Variants in GPSM1 observed in about 807,000 individuals in gnomAD.
GPSM1 encodes G protein signaling modulator 1.
GPSM1 carries 48 observed loss-of-function variants against 70.5 expected under a neutral mutation model. The observed-to-expected ratio is 0.68, with a 90% CI of 0.54 to 0.87. The LOEUF (loss-of-function observed/expected upper bound fraction) is 0.87. Among genes scored for constraint, GPSM1 ranks in the 40% least tolerant of loss-of-function variants. The probability of loss-of-function intolerance (pLI) is 0.00; values close to 1 mark genes in which losing one functional copy is unlikely to be tolerated. For missense variants in GPSM1, 981 were observed against 972.6 expected (o/e 1.01, Z -0.11); for synonymous variants, 416 against 430.1 (o/e 0.97, Z 0.41).
Position 136,334,523 on chromosome 9 carries a change from G to A in GPSM1, c.145G>A (p.Ala49Thr), listed in dbSNP as rs782483304. ...GGCGGGCGACTTCAAGACAGGCGTG[G>A]CCTTCTTTGAGGCTGCTGTGCAGGT... ...CKAGDFKTGV[A>T]FFEAAVQVGT... The change falls in exon 2 of 14, where the codon GCC (alanine) becomes ACC (threonine). Residue 49 changes from alanine (A) to threonine (T), a missense_variant. By Grantham distance (58) the Ala-to-Thr change is moderately conservative (BLOSUM62 0). Transcript: ENST00000440944. The A allele has an allele frequency of 1.2e-5, 20 of 1,613,206 alleles. No individual in the cohort carries two copies. The highest frequency in any genetic ancestry group is 1.6e-5 in the Non-Finnish European group (19 of 1,179,944).
rs782041406 is a variant in GPSM1 at position 136,337,855 on chromosome 9, A to G, written c.712A>G (p.Ile238Val). 12 of 1,610,968 alleles carry G rather than the reference A, an allele frequency of 7.4e-6. No individual in the cohort carries two copies. The African/African-American group carries it at 9.4e-5, about 13-fold the overall frequency. The change falls in exon 6 of 14, where the codon ATT (isoleucine) becomes GTT (valine). Residue 238 changes from isoleucine (I) to valine (V), a missense_variant. Physicochemically the swap from Ile to Val is conservative, Grantham distance 29. Coordinates refer to ENST00000440944, the MANE Select transcript of GPSM1 (RefSeq NM_001145638.3). ...ATTFHKERLA[I>V]AKEFGDKAAE... The stretch of plus-strand genomic sequence containing the variant: ...CGGTGTGTCTCCGCAGCGCCTGGCC[A>G]TTGCTAAGGAGTTTGGAGACAAGGC...
intron 9 of GPSM1, among the ~76,000 whole-genome samples, chr9:136,346,663 A>T (rs745698637): frequency 3.3e-5 from 5 of 152,216 alleles, no homozygotes; most frequent in Non-Finnish European, 5.9e-5. Context: ...TCTCATCCGC[A>T]GCATGGGCCT....
chr9:136,347,617 C>A (rs1023852383), intron 9 of GPSM1, among the ~76,000 whole-genome samples: 1 of 152,226 alleles, frequency 6.6e-6, no homozygotes, highest in East Asian at 1.9e-4. Context: ...GTCCGTCCCG[C>A]CGCCTCCTCA....
rs1262360639 is a variant in GPSM1 at position 136,344,177 on chromosome 9, C to T, written c.1207+3184C>T. 1.3e-4 allele frequency among the ~76,000 whole-genome samples: 15 copies of T among 115,552 alleles called. No individual in the cohort carries two copies. The South Asian group carries it at 2.4e-3, about 19-fold the overall frequency. 75.8% of individuals were successfully genotyped at this position (115,552 alleles called of 152,430 possible). On this transcript the variant is annotated intron_variant, in intron 9 of 13. Transcript: ENST00000440944. ...GTGCGGACAGGATCGGGGGGAGGCGCGGACAGGAGCGGGGGGAGGCGCGGA... is the reference window on the plus strand; with the variant it reads ...GTGCGGACAGGATCGGGGGGAGGCGTGGACAGGAGCGGGGGGAGGCGCGGA...
At chr9:136,355,608 G>A (rs1252403194) in intron 11 of GPSM1, 82 bp from the exon 12 acceptor site, 3 of 1,327,188 alleles carry the variant, frequency 2.3e-6, no homozygotes, top group South Asian at 1.3e-5. Flanking sequence ...AGAAGTGTGT[G>A]TGGCCTGGGC....
intron 2 of GPSM1, among the ~76,000 whole-genome samples, chr9:136,335,632 C>T (rs1176687615): frequency 2.0e-5 from 3 of 152,130 alleles, no homozygotes; most frequent in Non-Finnish European, 1.5e-5. Flanking sequence ...AAGTCCTCCC[C>T]GGATCCTAAG....
intron 9 of GPSM1, among the ~76,000 whole-genome samples, chr9:136,346,852 A>G (rs992058913): frequency 1.3e-5 from 2 of 152,154 alleles, no homozygotes; most frequent in African/African-American, 4.8e-5. Context: ...AGTGCCTGAA[A>G]TGACCGAGTG....
At chr9:136,335,116 G>A (rs782120198) in intron 2 of GPSM1, among the ~76,000 whole-genome samples, 6 of 152,146 alleles carry the variant, frequency 3.9e-5, no homozygotes, top group Admixed American at 1.3e-4. Flanking sequence ...GTGAGCACTC[G>A]TGACTGTGTG....
chr9:136,352,697 T>A (rs1442249503), intron 11 of GPSM1, among the ~76,000 whole-genome samples: 2 of 152,158 alleles, frequency 1.3e-5, no homozygotes, highest in Non-Finnish European at 2.9e-5. Flanking sequence ...TGCGCCTGCC[T>A]CCGTAGTCAG....
At chr9:136,335,834 G>T in intron 2 of GPSM1, 132 bp from the exon 3 acceptor site, 1 of 914,372 alleles carries the variant, frequency 1.1e-6, no homozygotes. Context: ...TATCACCTCA[G>T]GGGTTGCAGG....
intron 11 of GPSM1, among the ~76,000 whole-genome samples, chr9:136,351,486 C>T (rs1554772071): frequency 6.6e-6 from 1 of 152,256 alleles, no homozygotes. Flanking sequence ...AGGCTGGCAG[C>T]ATGTGTGGGA....
At chr9:136,347,139 C>T (rs965089144) in intron 9 of GPSM1, among the ~76,000 whole-genome samples, 2 of 152,078 alleles carry the variant, frequency 1.3e-5, no homozygotes, top group Non-Finnish European at 2.9e-5. Context: ...CTGAGCCTCT[C>T]GGGGGGATGA....
intron 12 of GPSM1, 78 bp downstream of exon 12, chr9:136,355,924 G>A: frequency 7.8e-7 from 1 of 1,288,126 alleles, no homozygotes; most frequent in South Asian, 1.4e-5. Flanking sequence ...CCTGCTTCCA[G>A]TGAGGAGTTT....
rs1554770081 is a variant in GPSM1, at chr9:136,340,853, C to T, written c.1084-17C>T. ...CCCCAGCCACACCTGCCCGCTCCGC[C>T]ACCCCACTCGCCGCAGATCGGGGAC... On this transcript the variant is annotated splice_polypyrimidine_tract_variant and intron_variant, in intron 8 of 13. Coordinates refer to ENST00000440944, the MANE Select transcript of GPSM1 (RefSeq NM_001145638.3). The surrounding 1 kb of genome is among the most constrained non-coding windows in gnomAD (Gnocchi z 7.3). The T allele has an allele frequency of 6.4e-7, 1 of 1,557,030 alleles. No homozygotes were observed. Among genetic ancestry groups the T allele is most frequent in the Non-Finnish European group, 8.7e-7 (1 of 1,154,146 alleles).
intron 1 of GPSM1, chr9:136,332,186 A>G (rs4073879): frequency 0.43 from 173,445 of 398,864 alleles, 38,952 homozygotes; most frequent in Middle Eastern, 0.55. Flanking sequence ...GCGGGCAGCG[A>G]GTGGGGTGGT....
intron 1 of GPSM1, among the ~76,000 whole-genome samples, chr9:136,332,946 C>T (rs932249906): frequency 6.6e-6 from 1 of 151,492 alleles, no homozygotes; most frequent in East Asian, 1.9e-4. Flanking sequence ...GAGATGGAGG[C>T]TGTAGTGAGC....
At chr9:136,331,465 C>T (rs1215696455) in intron 1 of GPSM1, among the ~76,000 whole-genome samples, 1 of 150,926 alleles carries the variant, frequency 6.6e-6, no homozygotes, top group Non-Finnish European at 1.5e-5. Flanking sequence ...GGCACAGGGG[C>T]CTGGAGAACC....
chr9:136,341,033 G>T lies in GPSM1; in HGVS notation c.1207+40G>T, dbSNP rs1554770175. On this transcript the variant is annotated intron_variant, in intron 9 of 13. Coordinates refer to ENST00000440944, the MANE Select transcript of GPSM1 (RefSeq NM_001145638.3). The surrounding 1 kb of genome is among the most constrained non-coding windows in gnomAD (Gnocchi z 6.7). ...TGTGGGGGGGTCTTGCTCCCCACAG[G>T]CACGGACCGCATCAGGAGCTGCGGA... 1 of 1,561,564 alleles carries T rather than the reference G, an allele frequency of 6.4e-7. No individual in the cohort carries two copies. The highest frequency in any genetic ancestry group is 1.2e-5 in the South Asian group (1 of 84,850).
Position 136,336,082 on chromosome 9 carries a change from C to T in GPSM1, c.407C>T (p.Ala136Val), listed in dbSNP as rs1564343153. The T allele has an allele frequency of 3.7e-6, 6 of 1,611,606 alleles. No individual in the cohort carries two copies. Among genetic ancestry groups the T allele is most frequent in the South Asian group, 1.1e-5 (1 of 91,026 alleles). ...TGCTGCCAGCGGCATCTGAGCATCGCCCAAGAGCAGGGAGACAAGGTGGGG... is the reference window on the plus strand; with the variant it reads ...TGCTGCCAGCGGCATCTGAGCATCGTCCAAGAGCAGGGAGACAAGGTGGGG... Reference protein sequence around the residue: ...AVCCQRHLSIAQEQGDKVGEA... With the variant: ...AVCCQRHLSIVQEQGDKVGEA... The change falls in exon 3 of 14, where the codon GCC becomes GTC. Residue 136 changes from alanine to valine, a missense_variant. Physicochemically the swap from Ala to Val is moderately conservative, Grantham distance 64. Coordinates refer to ENST00000440944, the MANE Select transcript of GPSM1 (RefSeq NM_001145638.3).
Sources: gnomAD v4.1 joint callset for allele counts (sites outside exome capture counted in the v4.1 genomes callset) on GRCh38, gnomAD v4.1.1 for gene constraint, Gnocchi (gnomAD v3.1) non-coding constraint, MANE v1.5 for transcripts, NCBI Gene and HGNC (gene_info 2026-07-23, HGNC 2026-07-21) for gene names.